The following C1orf21 variants were observed in gnomAD, a reference collection of about 807,000 sequenced individuals.
The protein encoded by C1orf21 is uncharacterized protein C1orf21.
In C1orf21, 3 loss-of-function variants were observed where a neutral mutation model predicts 18.7. That is an observed-to-expected ratio of 0.16 (90% CI 0.07 to 0.42). C1orf21 has a LOEUF of 0.42. Ranked by LOEUF, C1orf21 falls within the 10% of genes least tolerant of loss-of-function variation. The pLI is 0.99. For missense variants in C1orf21, 104 were observed against 143.6 expected, an observed-to-expected ratio of 0.72 and a Z score of 1.41; for synonymous variants, 41 against 46.4, an observed-to-expected ratio of 0.88 and a Z score of 0.47.
intron 1 of C1orf21, among the ~76,000 whole-genome samples, chr1:184,390,447 T>C (rs1655954715): frequency 6.6e-6 from 1 of 152,190 alleles, no homozygotes; most frequent in Admixed American, 6.5e-5. Flanking sequence ...ATGAAAATAA[T>C]TTGTATGTGA....
intron 1 of C1orf21, among the ~76,000 whole-genome samples, chr1:184,453,448 C>G (rs1384870278): frequency 2.0e-5 from 3 of 152,164 alleles, no homozygotes; most frequent in Non-Finnish European, 4.4e-5. Flanking sequence ...CACATTTTTG[C>G]TAGTGCTGCC....
At chr1:184,519,620 T>G (rs1418982258) in intron 3 of C1orf21, among the ~76,000 whole-genome samples, 1 of 152,148 alleles carries the variant, frequency 6.6e-6, no homozygotes, top group Admixed American at 6.6e-5. Flanking sequence ...AACACAGTGG[T>G]GTTACTTTCT....
chr1:184,541,521 A>C (rs1401572120), intron 3 of C1orf21, among the ~76,000 whole-genome samples: 4 of 152,206 alleles, frequency 2.6e-5, no homozygotes. Flanking sequence ...GGATGTCTTC[A>C]GGTGACAGAT....
intron 3 of C1orf21, among the ~76,000 whole-genome samples, chr1:184,587,237 C>G (rs1209824870): frequency 7.3e-6 from 1 of 136,790 alleles, no homozygotes; most frequent in Admixed American, 7.3e-5. Flanking sequence ...GTTCTTTTTC[C>G]TTAGGACAGC....
intron 1 of C1orf21, among the ~76,000 whole-genome samples, chr1:184,464,726 G>A (rs1034381575): frequency 6.6e-6 from 1 of 152,222 alleles, no homozygotes; most frequent in Non-Finnish European, 1.5e-5. Context: ...GAAAAATATA[G>A]CTTAAGCAGA....
At chr1:184,436,639 A>G (rs1053670239) in intron 1 of C1orf21, among the ~76,000 whole-genome samples, 3 of 152,148 alleles carry the variant, frequency 2.0e-5, no homozygotes, top group Non-Finnish European at 4.4e-5. Flanking sequence ...GGAACACATA[A>G]AGGTAATAAA....
intron 3 of C1orf21, among the ~76,000 whole-genome samples, chr1:184,517,042 A>C (rs1658240820): frequency 1.3e-5 from 2 of 152,232 alleles, no homozygotes; most frequent in Admixed American, 6.5e-5. Flanking sequence ...TGGCAGCCTG[A>C]AACATAAACC....
At chr1:184,545,256 T>C (rs1658712546) in intron 3 of C1orf21, among the ~76,000 whole-genome samples, 1 of 152,218 alleles carries the variant, frequency 6.6e-6, no homozygotes, top group Non-Finnish European at 1.5e-5. Context: ...TGATCCATCA[T>C]ACTGTGGAAT....
At chr1:184,425,280 T>G (rs962044073) in intron 1 of C1orf21, among the ~76,000 whole-genome samples, 4 of 151,954 alleles carry the variant, frequency 2.6e-5, no homozygotes, top group African/African-American at 7.3e-5. Context: ...TTTTTTTTTT[T>G]TCCTTGAGAC....
At chr1:184,531,538 A>T (rs945134642) in intron 3 of C1orf21, among the ~76,000 whole-genome samples, 1 of 152,198 alleles carries the variant, frequency 6.6e-6, no homozygotes, top group Non-Finnish European at 1.5e-5. Flanking sequence ...CTGTTTCCTG[A>T]ATAACTTTTT....
intron 1 of C1orf21, among the ~76,000 whole-genome samples, chr1:184,464,636 A>G (rs1448402595): frequency 6.6e-6 from 1 of 152,226 alleles, no homozygotes; most frequent in African/African-American, 2.4e-5. Context: ...GAAATATGAA[A>G]TAGTTGACTC....
At chr1:184,497,481 G>A (rs963407823) in intron 2 of C1orf21, among the ~76,000 whole-genome samples, 11 of 152,220 alleles carry the variant, frequency 7.2e-5, no homozygotes, top group East Asian at 3.8e-4. Context: ...GTGCACACAC[G>A]AGAGTGGGTG....
At chr1:184,403,931 T>C (rs969792215) in intron 1 of C1orf21, among the ~76,000 whole-genome samples, 2 of 152,238 alleles carry the variant, frequency 1.3e-5, no homozygotes, top group African/African-American at 4.8e-5. Context: ...AGTTTTTTGG[T>C]ACCATTTATG....
chr1:184,458,674 A>G (rs755919985), intron 1 of C1orf21, among the ~76,000 whole-genome samples: 1 of 152,236 alleles, frequency 6.6e-6, no homozygotes, highest in Non-Finnish European at 1.5e-5. Flanking sequence ...GCCACTTATC[A>G]TTAAATATTT....
At position 184,590,786 on chromosome 1, in the gene C1orf21, T is replaced by C; in HGVS notation, c.237T>C (p.Val79=). Residue 79 remains valine, a synonymous_variant, in exon 4 of 6, where the codon GTT becomes GTC. Transcript: ENST00000235307. ...TAAGACTTAAAACTAATAAAGAGGT[T>C]CCGGGATTAGTTCATCAACCCAGAG... ...SNVRLKTNKE[V]PGLVHQPRAN... 6.2e-7 allele frequency: 1 copy of C among 1,614,118 alleles called. No homozygotes were observed. Among genetic ancestry groups the C allele is most frequent in the South Asian group, 1.1e-5 (1 of 91,070 alleles).
At chr1:184,598,314 A>G (rs1659544446) in intron 4 of C1orf21, 87 bp from the exon 5 acceptor site, 2 of 1,238,512 alleles carry the variant, frequency 1.6e-6, no homozygotes, top group East Asian at 2.4e-5. Context: ...GTCTTCCCCA[A>G]AGTTTGGGGA....
intron 3 of C1orf21, among the ~76,000 whole-genome samples, chr1:184,542,128 T>C (rs576936000): frequency 1.3e-5 from 2 of 152,284 alleles, no homozygotes; most frequent in Non-Finnish European, 2.9e-5. Context: ...CTTAGCCACA[T>C]AGAGTTGCCT....
At chr1:184,610,865 G>T (rs6692494) in intron 5 of C1orf21, among the ~76,000 whole-genome samples, 1 of 150,100 alleles carries the variant, frequency 6.7e-6, no homozygotes, top group African/African-American at 2.5e-5. Flanking sequence ...AAAAAAAAAG[G>T]CTTCTAAAAT....
chr1:184,566,140 A>G (rs1007750925), intron 3 of C1orf21, among the ~76,000 whole-genome samples: 1 of 152,146 alleles, frequency 6.6e-6, no homozygotes, highest in Non-Finnish European at 1.5e-5. Flanking sequence ...GTACTTCCCG[A>G]TAGGAGTCGA....
Sources: allele counts gnomAD v4.1 joint callset (sites outside exome capture counted in the v4.1 genomes callset), GRCh38; gene constraint gnomAD v4.1.1; transcripts MANE v1.5; gene names NCBI Gene and HGNC (gene_info 2026-07-23, HGNC 2026-07-21).